SERPINB5: variants seen among roughly 807,000 people sequenced by gnomAD.
The protein encoded by SERPINB5 is serpin B5.
SERPINB5 carries 27 observed loss-of-function variants against 32.2 expected under a neutral mutation model. The observed-to-expected ratio is 0.84, with a 90% CI of 0.62 to 1.16. The LOEUF is 1.16. SERPINB5 is among the 50% of genes most tolerant of loss of function. The probability of loss-of-function intolerance (pLI) is 0.00; values close to 1 mark genes in which losing one functional copy is unlikely to be tolerated. For synonymous variants in SERPINB5, 154 were observed against 157.4 expected (o/e 0.98, Z 0.16); for missense variants, 388 against 436.3 (o/e 0.89, Z 0.99).
At chr18:63,486,720 T>C in intron 2 of SERPINB5, 1 of 388,232 alleles carries the variant, frequency 2.6e-6, no homozygotes. Context: ...CACTGGCATC[T>C]AGTAGGTCAG....
rs181633372 is a variant in SERPINB5 at position 63,480,106 on chromosome 18, A to C, written c.-8+3061A>C. On this transcript the variant is annotated intron_variant, in intron 1 of 6. Coordinates refer to ENST00000382771, the MANE Select transcript of SERPINB5 (RefSeq NM_002639.5). ...GTGGGTGGCCTGGGAGACTCACTTC[A>C]TCTTTGTCTGCCTCATTTTCCTCAT... Among the ~76,000 whole-genome samples the C allele has an allele frequency of 2.5e-3, 384 of 152,270 alleles. 4 individuals carry two copies. Among genetic ancestry groups the C allele is most frequent in the Admixed American group, 6.5e-3 (99 of 15,290 alleles).
intron 5 of SERPINB5, 80 bp from the exon 6 acceptor site, chr18:63,499,040 C>T (rs12458191): frequency 0.37 from 189,077 of 511,406 alleles, 37,723 homozygotes; most frequent in Non-Finnish European, 0.38. Context: ...TGTGTGCGCG[C>T]GTGTGTGTAT....
At chr18:63,493,165 G>C (rs752379181) in intron 5 of SERPINB5, 70 bp downstream of exon 5, 23 of 1,600,426 alleles carry the variant, frequency 1.4e-5, no homozygotes, top group Non-Finnish European at 2.0e-5. Flanking sequence ...GGACAGAGTG[G>C]GGCATAAATC....
At chr18:63,500,602 C>G (rs1909551161) in intron 6 of SERPINB5, among the ~76,000 whole-genome samples, 1 of 151,982 alleles carries the variant, frequency 6.6e-6, no homozygotes. Context: ...TTTTAGCTTC[C>G]TCTCTGCTCC....
chr18:63,503,717 C>A lies in SERPINB5; in HGVS notation c.1123C>A (p.Pro375Thr). 6.2e-7 allele frequency: 1 copy of A among 1,614,056 alleles called. No individual in the cohort carries two copies. Among genetic ancestry groups the A allele is most frequent in the Non-Finnish European group, 8.5e-7 (1 of 1,179,972 alleles). The change falls in exon 7 of 7, where the codon CCT becomes ACT. Residue 375 changes from proline to threonine, a missense_variant. Coordinates refer to ENST00000382771, the MANE Select transcript of SERPINB5 (RefSeq NM_002639.5). ...NIIFFGKFCS[P>T] ...TATTTTCTTTGGCAAATTCTGTTCT[C>A]CTTAAGTGGCATAGCCCATGTTAAG...
chr18:63,501,599 G>C (rs2095017477), intron 6 of SERPINB5, among the ~76,000 whole-genome samples: 1 of 152,122 alleles, frequency 6.6e-6, no homozygotes, highest in African/African-American at 2.4e-5. Flanking sequence ...TCTAGTTCTA[G>C]ATCCTTGAGG....
rs900896289 is a variant in SERPINB5 at position 63,498,207 on chromosome 18, A to G, written c.568-913A>G. Among the ~76,000 whole-genome samples, 7 of 152,126 alleles carry G rather than the reference A, an allele frequency of 4.6e-5. No homozygotes were observed. The highest frequency in any genetic ancestry group is 1.0e-4 in the Non-Finnish European group (7 of 68,024). The stretch of plus-strand genomic sequence containing the variant: ...CAGGCTCAAGCAATTCTCCTCCCTC[A>G]GTTTCCCAAGAAGCTGAGATTACAG... On this transcript the variant is annotated intron_variant, in intron 5 of 6. Transcript: ENST00000382771. The surrounding 1 kb of genome is among the most constrained non-coding windows in gnomAD (Gnocchi z 4.2).
intron 5 of SERPINB5, among the ~76,000 whole-genome samples, chr18:63,493,861 AAAACAAAC>A (rs58878863): frequency 1.3e-5 from 2 of 151,132 alleles, no homozygotes; most frequent in South Asian, 2.1e-4. Flanking sequence ...CACCTCAAGA[AAAACAAAC>A]AAACAAACAA....
At chr18:63,499,424 C>G in intron 6 of SERPINB5, 137 bp downstream of exon 6, 1 of 659,540 alleles carries the variant, frequency 1.5e-6, no homozygotes, top group Non-Finnish European at 2.3e-6. Context: ...CTCCAAGGAC[C>G]CATGGTTCTT....
rs148559989 is a variant in SERPINB5 at position 63,504,044 on chromosome 18, T to G, written c.*322T>G. The G allele has an allele frequency of 3.5e-6, 1 of 284,936 alleles. No individual in the cohort carries two copies. Among genetic ancestry groups the G allele is most frequent in the Non-Finnish European group, 6.5e-6 (1 of 153,456 alleles). 17.7% of individuals were successfully genotyped at this position (284,936 alleles called of 1,614,324 possible). A position where few individuals can be genotyped will look rare whatever the true frequency, so the allele number is the denominator to read the frequency against. ...GAAATACAGTCTTCCACAAAGAAAA[T>G]TCCTATAAGGAAGATTTGGAAGCTC... On this transcript the variant is annotated 3_prime_UTR_variant, in exon 7 of 7. Coordinates refer to ENST00000382771, the MANE Select transcript of SERPINB5 (RefSeq NM_002639.5).
At chr18:63,481,025 C>T (rs922840665) in intron 1 of SERPINB5, among the ~76,000 whole-genome samples, 2 of 152,186 alleles carry the variant, frequency 1.3e-5, no homozygotes, top group African/African-American at 4.8e-5. Flanking sequence ...AAGGGACTCA[C>T]TCAAAGGGAA....
intron 1 of SERPINB5, among the ~76,000 whole-genome samples, chr18:63,482,589 G>T (rs1197878686): frequency 1.3e-5 from 2 of 152,154 alleles, no homozygotes; most frequent in African/African-American, 2.4e-5. Context: ...CTGACTGCCT[G>T]AATTTACCTA....
chr18:63,493,146 A>C (rs1909375974), intron 5 of SERPINB5, 51 bp downstream of exon 5: 1 of 1,612,072 alleles, frequency 6.2e-7, no homozygotes, highest in African/African-American at 1.3e-5. Context: ...TAGATGTGAA[A>C]AATGATAGGG....
At chr18:63,484,194 T>C (rs1411292138) in intron 1 of SERPINB5, among the ~76,000 whole-genome samples, 2 of 152,214 alleles carry the variant, frequency 1.3e-5, no homozygotes, top group Non-Finnish European at 2.9e-5. Flanking sequence ...GGCCCAAGAC[T>C]GCAGAGTCTA....
At position 63,489,530 on chromosome 18, in the gene SERPINB5, T is replaced by TG. The variant is rs1442626786; in HGVS notation, c.424+66_424+67insG. 4 of 870,494 alleles carry TG rather than the reference T, an allele frequency of 4.6e-6. No individual in the cohort carries two copies. In the African/African-American group the frequency reaches 7.0e-5, roughly 15 times the overall value. 53.9% of individuals were successfully genotyped at this position (870,494 alleles called of 1,614,324 possible). A position where few individuals can be genotyped will look rare whatever the true frequency, so the allele number is the denominator to read the frequency against. ...AACAGGGCCTTCCATCTCATAAATG[T>TG]TTGCTCCAAGGATAAAAAAAACATC... On this transcript the variant is annotated intron_variant, in intron 4 of 6. Transcript: ENST00000382771.
intron 5 of SERPINB5, among the ~76,000 whole-genome samples, chr18:63,495,252 A>G (rs1211875356): frequency 2.0e-5 from 3 of 152,234 alleles, no homozygotes; most frequent in African/African-American, 7.2e-5. Context: ...TGTGTTTTGC[A>G]CACACAGGTC....
At chr18:63,493,148 A>C in intron 5 of SERPINB5, 53 bp downstream of exon 5, 1 of 1,611,910 alleles carries the variant, frequency 6.2e-7, no homozygotes, top group African/African-American at 1.3e-5. Context: ...GATGTGAAAA[A>C]TGATAGGGAC....
intron 1 of SERPINB5, among the ~76,000 whole-genome samples, chr18:63,482,826 AATAAT>A (rs1230066425): frequency 3.1e-4 from 47 of 150,672 alleles, no homozygotes; most frequent in African/African-American, 1.0e-3. Flanking sequence ...AATTTATTAA[AATAAT>A]ATAATAATTA....
At chr18:63,481,404 G>A (rs1010193431) in intron 1 of SERPINB5, among the ~76,000 whole-genome samples, 3 of 152,208 alleles carry the variant, frequency 2.0e-5, no homozygotes, top group African/African-American at 2.4e-5. Flanking sequence ...AGTATAGTTT[G>A]TTATTGACTA....
Sources: allele counts gnomAD v4.1 joint callset (sites outside exome capture counted in the v4.1 genomes callset), GRCh38; gene constraint gnomAD v4.1.1; non-coding constraint Gnocchi (gnomAD v3.1); transcripts MANE v1.5; gene names NCBI Gene and HGNC (gene_info 2026-07-23, HGNC 2026-07-21).